The following KCNQ2 variants were observed in gnomAD, a reference collection of about 807,000 sequenced individuals.
The protein encoded by KCNQ2 is potassium voltage-gated channel subfamily Q member 2.
KCNQ2 carries 14 observed loss-of-function variants against 84.8 expected under a neutral mutation model. That is an observed-to-expected ratio of 0.17 (90% CI 0.11 to 0.26). The LOEUF is 0.26. Ranked by LOEUF, KCNQ2 falls within the 10% of genes least tolerant of loss-of-function variation. The pLI is 1.00. For synonymous variants in KCNQ2, 599 were observed against 554.1 expected (o/e 1.08, Z -1.14); for missense variants, 788 against 1,254.0 (o/e 0.63, Z 5.61).
intron 9 of KCNQ2, among the ~76,000 whole-genome samples, chr20:63,430,658 T>C (rs935371886): frequency 6.6e-6 from 1 of 152,172 alleles, no homozygotes; most frequent in Non-Finnish European, 1.5e-5. Flanking sequence ...AGCTCAGCGC[T>C]CTCCAGTCTG....
Position 63,455,720 on chromosome 20 carries a change from G to C in KCNQ2, c.297-8883C>G, listed in dbSNP as rs1251287144. 2.6e-5 allele frequency among the ~76,000 whole-genome samples: 4 copies of C among 151,812 alleles called. No individual in the cohort carries two copies. The East Asian group carries it at 5.8e-4, about 22-fold the overall frequency. The stretch of plus-strand genomic sequence containing the variant: ...CGGACCACAGTCCTGGGGCCCCCAC[G>C]CTGGCACCCTCAGGCCTTGAGATGC... On this transcript the variant is annotated intron_variant, in intron 1 of 16. Coordinates refer to ENST00000359125, the MANE Select transcript of KCNQ2 (RefSeq NM_172107.4).
chr20:63,439,280 T>A (rs528699320), intron 6 of KCNQ2, among the ~76,000 whole-genome samples: 3 of 152,336 alleles, frequency 2.0e-5, no homozygotes, highest in Admixed American at 6.5e-5. Flanking sequence ...CCAGCCGCCC[T>A]GCTCCTGGTC....
chr20:63,418,017 G>C (rs1301047961), intron 12 of KCNQ2, among the ~76,000 whole-genome samples: 1 of 152,190 alleles, frequency 6.6e-6, no homozygotes, highest in African/African-American at 2.4e-5. Context: ...GAAGAGGAGG[G>C]TGGCGCGACC....
chr20:63,416,551 T>C (rs1216909766), intron 12 of KCNQ2, among the ~76,000 whole-genome samples: 2 of 152,142 alleles, frequency 1.3e-5, no homozygotes, highest in Non-Finnish European at 2.9e-5. Flanking sequence ...TCAGGGTGGT[T>C]CTGGGCAGGG....
chr20:63,444,566 T>C (rs1456932059), intron 4 of KCNQ2, 93 bp downstream of exon 4: 1 of 1,161,948 alleles, frequency 8.6e-7, no homozygotes, highest in Non-Finnish European at 1.1e-6. Context: ...CCAGGGCTCT[T>C]GAAGCAAACC....
rs1190141829 is a variant in KCNQ2, at chr20:63,438,222, C to A, written c.1023+403G>T. 1 of 325,222 alleles carries A rather than the reference C, an allele frequency of 3.1e-6. No homozygotes were observed. Among genetic ancestry groups the A allele is most frequent in the East Asian group, 7.3e-5 (1 of 13,782 alleles). 20.1% of individuals were successfully genotyped at this position (325,222 alleles called of 1,614,324 possible). On this transcript the variant is annotated intron_variant, in intron 7 of 16. Transcript: ENST00000359125. The surrounding 1 kb of genome is among the most constrained non-coding windows in gnomAD (Gnocchi z 5.1). ...CGGCACTGGGTGGGGTCCGGGCGGG[C>A]ATCATGGGGGCCCACAGCCAGCATC... is the stretch of plus-strand genomic sequence containing the variant.
chr20:63,421,196 C>T (rs2080460341), intron 11 of KCNQ2, among the ~76,000 whole-genome samples: 1 of 152,240 alleles, frequency 6.6e-6, no homozygotes, highest in Non-Finnish European at 1.5e-5. Flanking sequence ...CAAGAGGCCC[C>T]TCCCGGGCCG....
intron 1 of KCNQ2, among the ~76,000 whole-genome samples, chr20:63,462,054 G>A (rs13042755): frequency 9.5e-6 from 1 of 104,900 alleles, no homozygotes; most frequent in Admixed American, 1.1e-4. Context: ...CTACCCCAGG[G>A]AGCAGGGAGG....
At position 63,406,422 on chromosome 20, in the gene KCNQ2, C is replaced by T. The variant is rs906800383; in HGVS notation, c.*222G>A. On this transcript the variant is annotated 3_prime_UTR_variant, in exon 17 of 17. Transcript: ENST00000359125. Reference sequence around the variant, plus strand: ...CTCCTGCACGCTGCTCCTGGAGCCACAGGGCCCTGCCCAGCCCTCCAGCCC... The same window carrying T: ...CTCCTGCACGCTGCTCCTGGAGCCATAGGGCCCTGCCCAGCCCTCCAGCCC... 8.2e-6 allele frequency: 5 copies of T among 610,294 alleles called. No homozygotes were observed. In the South Asian group the frequency reaches 8.4e-5, roughly 10 times the overall value. 37.8% of individuals were successfully genotyped at this position (610,294 alleles called of 1,614,324 possible). A position where few individuals can be genotyped will look rare whatever the true frequency, so the allele number is the denominator to read the frequency against.
chr20:63,425,170 C>T lies in KCNQ2; in HGVS notation c.1218-964G>A, dbSNP rs1325140728. 6.6e-6 allele frequency among the ~76,000 whole-genome samples: 1 copy of T among 152,176 alleles called. No homozygotes were observed. Among genetic ancestry groups the T allele is most frequent in the African/African-American group, 2.4e-5 (1 of 41,434 alleles). ...CACCGGGCTAGGGCTCAAGCTGTCA[C>T]CAGGCTCATCAGGATGTTCCAGGAT... On this transcript the variant is annotated intron_variant, in intron 10 of 16. Transcript: ENST00000359125. This position sits in a 1 kb window ranked among gnomAD's most constrained non-coding sequence, Gnocchi z 5.5.
Position 63,400,564 on chromosome 20 carries a change from T to C in KCNQ2, c.*6080A>G, listed in dbSNP as rs1166091132. 1 of 398,478 alleles carries C rather than the reference T, an allele frequency of 2.5e-6. No homozygotes were observed. Among genetic ancestry groups the C allele is most frequent in the East Asian group, 3.6e-5 (1 of 28,072 alleles). 24.7% of individuals were successfully genotyped at this position (398,478 alleles called of 1,614,324 possible). ...AGGACACATACAAAATGGTCAGAAGTGTACGTCGGTACTGAAGGCATTATG... is the reference window on the plus strand; with the variant it reads ...AGGACACATACAAAATGGTCAGAAGCGTACGTCGGTACTGAAGGCATTATG... On this transcript the variant is annotated 3_prime_UTR_variant, in exon 17 of 17. Coordinates refer to ENST00000359125, the MANE Select transcript of KCNQ2 (RefSeq NM_172107.4). The surrounding 1 kb of genome is among the most constrained non-coding windows in gnomAD (Gnocchi z 8.7).
rs1172334633 is a variant in KCNQ2, at chr20:63,405,847, T to C, written c.*797A>G. ...GCTGGAGCCCCCAAGGACCCCCTTT[T>C]TGAAGACCCTTTGGAGCCGGCTCCC... is the stretch of plus-strand genomic sequence containing the variant. On this transcript the variant is annotated 3_prime_UTR_variant, in exon 17 of 17. Coordinates refer to ENST00000359125, the MANE Select transcript of KCNQ2 (RefSeq NM_172107.4). 6.6e-6 allele frequency: 1 copy of C among 152,256 alleles called. No individual in the cohort carries two copies. The highest frequency in any genetic ancestry group is 1.5e-5 in the Non-Finnish European group (1 of 68,092). The allele number at this position is 152,256 out of a possible 1,614,324, so 9.4% of individuals were successfully genotyped here. A position where few individuals can be genotyped will look rare whatever the true frequency, so the allele number is the denominator to read the frequency against.
intron 1 of KCNQ2, among the ~76,000 whole-genome samples, chr20:63,448,819 C>T (rs1427196195): frequency 1.3e-5 from 2 of 152,096 alleles, no homozygotes; most frequent in South Asian, 2.1e-4. Context: ...GCACTGGCCA[C>T]AGGCATGGGC....
In KCNQ2 at chr20:63,408,572, G is replaced by C; in HGVS notation, c.1764-36C>G. 6.2e-7 allele frequency: 1 copy of C among 1,606,490 alleles called. No homozygotes were observed. The highest frequency in any genetic ancestry group is 8.5e-7 in the Non-Finnish European group (1 of 1,177,992). The stretch of plus-strand genomic sequence containing the variant: ...CAGAGACCCCAAAGCATGAGTTCGG[G>C]TGGGTGCAGCAGGGCCCCTGCCCTC... On this transcript the variant is annotated intron_variant, in intron 15 of 16. Coordinates refer to ENST00000359125, the MANE Select transcript of KCNQ2 (RefSeq NM_172107.4). This position sits in a 1 kb window ranked among gnomAD's most constrained non-coding sequence, Gnocchi z 5.0.
Position 63,438,229 on chromosome 20 carries a change from G to C in KCNQ2, c.1023+396C>G, listed in dbSNP as rs2081061971. ...GGGTGGGGTCCGGGCGGGCATCATG[G>C]GGGCCCACAGCCAGCATCAGGGGTC... On this transcript the variant is annotated intron_variant, in intron 7 of 16. Transcript: ENST00000359125. This position sits in a 1 kb window ranked among gnomAD's most constrained non-coding sequence, Gnocchi z 5.1. The C allele has an allele frequency of 1.2e-5, 4 of 329,582 alleles. No individual in the cohort carries two copies. Among genetic ancestry groups the C allele is most frequent in the Non-Finnish European group, 2.3e-5 (4 of 170,658 alleles). The allele number at this position is 329,582 out of a possible 1,614,324, so 20.4% of individuals were successfully genotyped here.
intron 11 of KCNQ2, 42 bp downstream of exon 11, chr20:63,424,135 G>A (rs777081754): frequency 2.7e-5 from 42 of 1,551,410 alleles, no homozygotes; most frequent in African/African-American, 1.4e-4. Flanking sequence ...CCAGACGGCC[G>A]TGCACACGGC....
Position 63,438,280 on chromosome 20 carries a change from G to A in KCNQ2, c.1023+345C>T. 2.4e-6 allele frequency: 1 copy of A among 423,718 alleles called. No homozygotes were observed. The highest frequency in any genetic ancestry group is 2.2e-5 in the South Asian group (1 of 44,998). 26.2% of individuals were successfully genotyped at this position (423,718 alleles called of 1,614,324 possible). On this transcript the variant is annotated intron_variant, in intron 7 of 16. Transcript: ENST00000359125. This position sits in a 1 kb window ranked among gnomAD's most constrained non-coding sequence, Gnocchi z 5.1. The stretch of plus-strand genomic sequence containing the variant: ...AGACGAGGTCAGGCACTGACTCACT[G>A]CAGTGTGTGGGCTCTAGGAGCCTTG...
In KCNQ2 at chr20:63,400,359, T is replaced by G; in HGVS notation, c.*6285A>C. On this transcript the variant is annotated 3_prime_UTR_variant, in exon 17 of 17. Coordinates refer to ENST00000359125, the MANE Select transcript of KCNQ2 (RefSeq NM_172107.4). This position sits in a 1 kb window ranked among gnomAD's most constrained non-coding sequence, Gnocchi z 8.7. ...TCCCCCGCAAACCCGCACTGGCGCA[T>G]TCTTACGGCTCTGGCATCAACCTGT... 1 of 354,474 alleles carries G rather than the reference T, an allele frequency of 2.8e-6. No individual in the cohort carries two copies. The highest frequency in any genetic ancestry group is 5.0e-6 in the Non-Finnish European group (1 of 198,902). The allele number at this position is 354,474 out of a possible 1,614,324, so 22.0% of individuals were successfully genotyped here. A position where few individuals can be genotyped will look rare whatever the true frequency, so the allele number is the denominator to read the frequency against.
At chr20:63,440,939 C>T (rs1375106661) in intron 5 of KCNQ2, among the ~76,000 whole-genome samples, 2 of 151,162 alleles carry the variant, frequency 1.3e-5, no homozygotes, top group South Asian at 2.1e-4. Flanking sequence ...TACACAATTT[C>T]GTTACCAAAG....
Sources: allele counts gnomAD v4.1 joint callset (sites outside exome capture counted in the v4.1 genomes callset), GRCh38; gene constraint gnomAD v4.1.1; non-coding constraint Gnocchi (gnomAD v3.1); transcripts MANE v1.5; gene names NCBI Gene and HGNC (gene_info 2026-07-23, HGNC 2026-07-21).